MOB3B: variants seen among roughly 807,000 people sequenced by gnomAD.
MOB3B encodes MOB kinase activator 3B.
Under a neutral mutation model 18.7 loss-of-function variants are expected in MOB3B, and 7 were observed. The observed-to-expected ratio is 0.37, with a 90% confidence interval of 0.21 to 0.70. The LOEUF (loss-of-function observed/expected upper bound fraction) is 0.70. Among genes scored for constraint, MOB3B ranks in the 30% least tolerant of loss-of-function variants. The pLI, the probability that MOB3B is intolerant of heterozygous loss-of-function variation, is 0.52. For missense variants in MOB3B, 253 were observed against 281.3 expected, an observed-to-expected ratio of 0.90 and a Z score of 0.72; for synonymous variants, 111 against 99.9, an observed-to-expected ratio of 1.11 and a Z score of -0.66.
intron 1 of MOB3B, among the ~76,000 whole-genome samples, chr9:27,525,501 G>A (rs954151921): frequency 3.9e-5 from 6 of 152,148 alleles, no homozygotes; most frequent in Admixed American, 3.3e-4. Flanking sequence ...AGCTTGGTTT[G>A]TTTGAATTGA....
intron 1 of MOB3B, among the ~76,000 whole-genome samples, chr9:27,482,288 C>T (rs1366965292): frequency 2.1e-5 from 2 of 95,454 alleles, no homozygotes; most frequent in Non-Finnish European, 4.4e-5. Context: ...CCCCACTGGC[C>T]ACTCAAAACT....
In MOB3B at chr9:27,517,887, C is replaced by T. The variant is rs546232116; in HGVS notation, c.-199+11668G>A. On this transcript the variant is annotated intron_variant, in intron 1 of 3. Transcript: ENST00000262244. Reference sequence around the variant, plus strand: ...AGACATGGGAAAAAGTCTAGCATCTCTCAGGAAACCCATTCCAAGCTTCTT... The same window carrying T: ...AGACATGGGAAAAAGTCTAGCATCTTTCAGGAAACCCATTCCAAGCTTCTT... 2.6e-5 allele frequency among the ~76,000 whole-genome samples: 4 copies of T among 152,162 alleles called. No homozygotes were observed. The South Asian group carries it at 6.2e-4, about 24-fold the overall frequency.
chr9:27,341,060 C>A (rs558679161), intron 3 of MOB3B, among the ~76,000 whole-genome samples: 4 of 152,250 alleles, frequency 2.6e-5, no homozygotes, highest in East Asian at 1.9e-4. Context: ...AGGCTGGATG[C>A]GGGAGGGCAG....
In MOB3B at chr9:27,455,342, C is replaced by T. The variant is rs1021917104; in HGVS notation, c.209G>A (p.Arg70Gln). ...VAVHVVDFFN[R>Q]INLIYGTICE... ...GATGGTGCCATAGATGAGGTTGATC[C>T]GATTGAAGAAGTCCACCACATGTAC... The change falls in exon 2 of 4, where the codon CGG becomes CAG. Residue 70 changes from arginine (R) to glutamine (Q), a missense_variant. By Grantham distance (43) the Arg-to-Gln change is conservative (BLOSUM62 1). Coordinates refer to ENST00000262244, the MANE Select transcript of MOB3B (RefSeq NM_024761.5). 6.2e-6 allele frequency: 10 copies of T among 1,614,086 alleles called. No homozygotes were observed. Among genetic ancestry groups the T allele is most frequent in the Middle Eastern group, 1.6e-4 (1 of 6,062 alleles).
chr9:27,466,423 AT>A (rs1252264234), intron 1 of MOB3B, among the ~76,000 whole-genome samples: 1 of 152,000 alleles, frequency 6.6e-6, no homozygotes, highest in Non-Finnish European at 1.5e-5. Flanking sequence ...ACTTTCCCAC[AT>A]TTTCCTGTCT....
chr9:27,355,247 G>C (rs887811520), intron 3 of MOB3B, among the ~76,000 whole-genome samples: 47 of 152,264 alleles, frequency 3.1e-4, no homozygotes, highest in African/African-American at 1.1e-3. Flanking sequence ...TGGAGGCAAG[G>C]CAGAGGGAAA....
intron 1 of MOB3B, among the ~76,000 whole-genome samples, chr9:27,466,023 T>C (rs576425199): frequency 1.8e-3 from 268 of 152,308 alleles, no homozygotes; most frequent in African/African-American, 6.2e-3. Context: ...ATTAGGCTCC[T>C]TGCTCCTTAT....
chr9:27,367,695 T>C (rs1821358853), intron 2 of MOB3B, among the ~76,000 whole-genome samples: 1 of 152,136 alleles, frequency 6.6e-6, no homozygotes, highest in East Asian at 1.9e-4. Context: ...GGAAGACGGC[T>C]CTTCTGAATC....
At chr9:27,489,179 C>G (rs751619731) in intron 1 of MOB3B, among the ~76,000 whole-genome samples, 37 of 152,330 alleles carry the variant, frequency 2.4e-4, no homozygotes, top group Non-Finnish European at 4.6e-4. Context: ...AACCGTATTT[C>G]CATTTACTTC....
intron 1 of MOB3B, among the ~76,000 whole-genome samples, chr9:27,514,063 C>A (rs1325970925): frequency 6.6e-6 from 1 of 152,134 alleles, no homozygotes; most frequent in East Asian, 1.9e-4. Context: ...GTATATAGGG[C>A]AATCCCAGTT....
At chr9:27,443,392 T>C (rs1822624581) in intron 2 of MOB3B, among the ~76,000 whole-genome samples, 1 of 152,198 alleles carries the variant, frequency 6.6e-6, no homozygotes, top group South Asian at 2.1e-4. Context: ...TTATTTGTAG[T>C]CTATACCACA....
At chr9:27,362,238 A>T (rs1440533435) in intron 2 of MOB3B, among the ~76,000 whole-genome samples, 1 of 152,122 alleles carries the variant, frequency 6.6e-6, no homozygotes, top group African/African-American at 2.4e-5. Context: ...AATCTGGAAG[A>T]CCTAGTTTAA....
chr9:27,342,677 G>A lies in MOB3B; in HGVS notation c.622-12061C>T, dbSNP rs372992195. Among the ~76,000 whole-genome samples, 791 of 152,224 alleles carry A rather than the reference G, an allele frequency of 5.2e-3. 5 individuals carry two copies. The highest frequency in any genetic ancestry group is 0.017 in the African/African-American group (721 of 41,526). Reference sequence around the variant, plus strand: ...GAGACGGGGTTTCGCCTTGTTGGCCGGGCTGGTCTCCAGCTCCTGACCACG... The same window carrying A: ...GAGACGGGGTTTCGCCTTGTTGGCCAGGCTGGTCTCCAGCTCCTGACCACG... On this transcript the variant is annotated intron_variant, in intron 3 of 3. Transcript: ENST00000262244.
intron 1 of MOB3B, among the ~76,000 whole-genome samples, chr9:27,517,546 G>A (rs1820255521): frequency 6.7e-6 from 1 of 150,006 alleles, no homozygotes; most frequent in Non-Finnish European, 1.5e-5. Context: ...TACTCAGGAG[G>A]CTGAGGCAGG....
intron 3 of MOB3B, among the ~76,000 whole-genome samples, chr9:27,350,351 C>T (rs1821087476): frequency 1.3e-5 from 2 of 151,598 alleles, no homozygotes; most frequent in African/African-American, 2.4e-5. Flanking sequence ...TTTTCCAGTA[C>T]AGTTTTGTAT....
chr9:27,467,965 G>C (rs1407485875), intron 1 of MOB3B, among the ~76,000 whole-genome samples: 3 of 152,212 alleles, frequency 2.0e-5, no homozygotes, highest in African/African-American at 7.2e-5. Context: ...GGTGTGACTT[G>C]TTTATTAGGG....
intron 1 of MOB3B, chr9:27,525,894 C>A (rs1408570608): frequency 6.6e-6 from 1 of 152,160 alleles, no homozygotes; most frequent in Non-Finnish European, 1.5e-5. Flanking sequence ...TACTTTGCAG[C>A]CAGACTACCT....
chr9:27,362,026 T>C (rs1563850123), intron 2 of MOB3B, among the ~76,000 whole-genome samples: 1 of 152,182 alleles, frequency 6.6e-6, no homozygotes, highest in Non-Finnish European at 1.5e-5. Flanking sequence ...TTGGACACAC[T>C]GCGGATGCTC....
intron 2 of MOB3B, among the ~76,000 whole-genome samples, chr9:27,415,316 G>T (rs1008340383): frequency 6.6e-6 from 1 of 152,032 alleles, no homozygotes; most frequent in African/African-American, 2.4e-5. Context: ...TATAAAATAT[G>T]ATTTAATTAA....
Sources: gnomAD v4.1 joint callset for allele counts (sites outside exome capture counted in the v4.1 genomes callset) on GRCh38, gnomAD v4.1.1 for gene constraint, MANE v1.5 for transcripts, NCBI Gene and HGNC (gene_info 2026-07-23, HGNC 2026-07-21) for gene names.